The following DHRSX variants were observed in gnomAD, a reference collection of about 807,000 sequenced individuals.
DHRSX encodes dehydrogenase/reductase X-linked.
A neutral mutation model predicts 34.0 loss-of-function variants in DHRSX; 31 were observed. The observed-to-expected ratio is 0.91, with a 90% confidence interval of 0.69 to 1.23. The LOEUF (loss-of-function observed/expected upper bound fraction) is 1.23, where lower values mean the gene tolerates loss of function less well. DHRSX is among the 50% of genes most tolerant of loss of function. The probability of loss-of-function intolerance (pLI) is 0.00; values close to 1 mark genes in which losing one functional copy is unlikely to be tolerated. For missense variants in DHRSX, 414 were observed against 428.1 expected (o/e 0.97, Z 0.29); for synonymous variants, 201 against 183.8 (o/e 1.09, Z -0.76).
intron 3 of DHRSX, among the ~76,000 whole-genome samples, chrX:2,339,158 CAG>C (rs1331731728): frequency 2.0e-5 from 3 of 151,842 alleles, no homozygotes; most frequent in Non-Finnish European, 4.4e-5. Flanking sequence ...TTTTCTGAGA[CAG>C]AGTCTCGCTC....
intron 4 of DHRSX, among the ~76,000 whole-genome samples, chrX:2,276,532 C>T (rs1022167850): frequency 3.3e-4 from 50 of 152,074 alleles, no homozygotes; most frequent in African/African-American, 1.2e-3. Flanking sequence ...GTGGAAAATA[C>T]GCAATACAAT....
chrX:2,253,224 T>G lies in DHRSX; in HGVS notation c.597-9994A>C, dbSNP rs866148824. On this transcript the variant is annotated intron_variant, in intron 5 of 6. Coordinates refer to ENST00000334651, the MANE Select transcript of DHRSX (RefSeq NM_145177.3). The stretch of plus-strand genomic sequence containing the variant: ...CACGGCCTGGGAGGCGGACATGGCC[T>G]TGAGCCAAGATGGCGCCACGGCACT... 8.9e-3 allele frequency among the ~76,000 whole-genome samples: 1,267 copies of G among 142,856 alleles called. 27 individuals carry two copies. The highest frequency in any genetic ancestry group is 0.031 in the African/African-American group (1,185 of 38,254). 93.7% of individuals were successfully genotyped at this position (142,856 alleles called of 152,430 possible).
chrX:2,369,898 C>T (rs2043037167), intron 3 of DHRSX, among the ~76,000 whole-genome samples: 1 of 151,948 alleles, frequency 6.6e-6, no homozygotes, highest in South Asian at 2.1e-4. Context: ...CCGCCTTAGC[C>T]TTCCAAAGTG....
Position 2,223,070 on chromosome X carries a change from T to A in DHRSX, c.805-1841A>T, listed in dbSNP as rs140632115. On this transcript the variant is annotated intron_variant, in intron 6 of 6. Transcript: ENST00000334651. Reference sequence around the variant, plus strand: ...AATCACCTAGGGGTGCCCAGAGATCTTGCAAACCCAAAGTGTCCTGGGAGA... The same window carrying A: ...AATCACCTAGGGGTGCCCAGAGATCATGCAAACCCAAAGTGTCCTGGGAGA... Among the ~76,000 whole-genome samples, 797 of 152,246 alleles carry A rather than the reference T, an allele frequency of 5.2e-3. 4 individuals are homozygous for A. The highest frequency in any genetic ancestry group is 0.019 in the African/African-American group (773 of 41,540).
chrX:2,242,823 G>C (rs188941180), intron 6 of DHRSX, among the ~76,000 whole-genome samples, 200 bp downstream of exon 6: 6 of 152,114 alleles, frequency 3.9e-5, no homozygotes, highest in Admixed American at 1.3e-4. Context: ...AGCGGCCGCC[G>C]GGGATGCTTT....
At chrX:2,489,448 C>T (rs758413584) in intron 1 of DHRSX, 29 of 1,613,894 alleles carry the variant, frequency 1.8e-5, no homozygotes, top group South Asian at 3.3e-5. Context: ...TGTGCAGCAG[C>T]GGCTTCACCA....
At chrX:2,423,746 C>G (rs147260438) in intron 2 of DHRSX, among the ~76,000 whole-genome samples, 2,118 of 152,270 alleles carry the variant, frequency 0.014, 33 homozygotes, top group African/African-American at 0.033. Flanking sequence ...CCCCGCCCCC[C>G]ACTCCGTCTC....
chrX:2,491,077 T>TG (rs113134935), intron 1 of DHRSX, among the ~76,000 whole-genome samples: 39,026 of 146,836 alleles, frequency 0.27, 5,490 homozygotes, highest in South Asian at 0.34. Flanking sequence ...TTTTTTTTTT[T>TG]TTTTTTTTTT....
chrX:2,417,313 G>C (rs1228967463), intron 2 of DHRSX, among the ~76,000 whole-genome samples: 1 of 152,140 alleles, frequency 6.6e-6, no homozygotes, highest in Non-Finnish European at 1.5e-5. Context: ...TCATTGCTTT[G>C]TGCCTACAAA....
chrX:2,287,562 C>A (rs944720647), intron 4 of DHRSX, among the ~76,000 whole-genome samples: 42 of 148,800 alleles, frequency 2.8e-4, no homozygotes, highest in African/African-American at 1.1e-3. Context: ...ATATCCGAAT[C>A]CCCATGTGGG....
At position 2,298,601 on chromosome X, in the gene DHRSX, T is replaced by TAC. The variant is rs747078260; in HGVS notation, c.287-7000_287-6999dup. ...AGCAGTTCTCCTGCAGGCGCGTGTG[T>TAC]ACACACACACACACACACACACACA... On this transcript the variant is annotated intron_variant, in intron 3 of 6. Transcript: ENST00000334651. Among the ~76,000 whole-genome samples the TAC allele has an allele frequency of 4.9e-3, 646 of 131,808 alleles. 17 individuals are homozygous for TAC. The highest frequency in any genetic ancestry group is 0.012 in the African/African-American group (283 of 24,362). The allele number at this position is 131,808 out of a possible 152,430, so 86.5% of individuals were successfully genotyped here.
chrX:2,282,817 AGAGAGG>A (rs1448074799), intron 4 of DHRSX, among the ~76,000 whole-genome samples: 1 of 61,070 alleles, frequency 1.6e-5, no homozygotes, highest in African/African-American at 5.0e-5. Flanking sequence ...AGAGAAAGAG[AGAGAGG>A]GAGAGAGAGG....
chrX:2,409,491 G>T (rs2043599892), intron 2 of DHRSX, among the ~76,000 whole-genome samples: 2 of 151,988 alleles, frequency 1.3e-5, no homozygotes, highest in South Asian at 2.1e-4. Flanking sequence ...CGTTCTCATT[G>T]TTCAACTCCC....
intron 6 of DHRSX, among the ~76,000 whole-genome samples, chrX:2,231,026 G>A (rs1013378886): frequency 5.9e-5 from 9 of 152,140 alleles, no homozygotes; most frequent in Non-Finnish European, 1.0e-4. Flanking sequence ...CTTAGCTTGA[G>A]TCACTGGAAG....
intron 3 of DHRSX, among the ~76,000 whole-genome samples, chrX:2,321,456 T>A (rs1182185800): frequency 2.0e-5 from 3 of 152,068 alleles, no homozygotes; most frequent in African/African-American, 7.2e-5. Flanking sequence ...GGGATGGTAT[T>A]TGGAGACGGA....
chrX:2,490,892 G>A (rs1230777449), intron 1 of DHRSX: 17 of 828,856 alleles, frequency 2.1e-5, no homozygotes, highest in African/African-American at 1.0e-4. Context: ...CACTGGGGCC[G>A]GACGGCTGGA....
chrX:2,289,575 T>C (rs1454263919), intron 4 of DHRSX, among the ~76,000 whole-genome samples: 1 of 152,210 alleles, frequency 6.6e-6, no homozygotes, highest in African/African-American at 2.4e-5. Context: ...CCAACTGCTC[T>C]GTGATAAAGT....
chrX:2,345,590 T>G, intron 3 of DHRSX, among the ~76,000 whole-genome samples: 1 of 149,610 alleles, frequency 6.7e-6, no homozygotes, highest in East Asian at 2.0e-4. Context: ...GAAGTTGCAT[T>G]GAGCCAAGAT....
At chrX:2,297,369 C>T (rs2124498419) in intron 3 of DHRSX, among the ~76,000 whole-genome samples, 1 of 152,256 alleles carries the variant, frequency 6.6e-6, no homozygotes, top group African/African-American at 2.4e-5. Flanking sequence ...GCGATCCGCC[C>T]GCCTTGGCCT....
Sources: gnomAD v4.1 joint callset for allele counts (sites outside exome capture counted in the v4.1 genomes callset) on GRCh38, gnomAD v4.1.1 for gene constraint, MANE v1.5 for transcripts, NCBI Gene and HGNC (gene_info 2026-07-23, HGNC 2026-07-21) for gene names.